The following LUZP1 variants were observed in gnomAD, a reference collection of about 807,000 sequenced individuals.
The protein encoded by LUZP1 is filamin mechanobinding actin cross-linking protein.
In LUZP1, 25 loss-of-function variants were observed where a neutral mutation model predicts 71.3. The observed-to-expected ratio is 0.35, with a 90% CI of 0.26 to 0.49. The LOEUF is 0.49. LUZP1 is among the 20% of genes least tolerant of loss of function. The pLI, the probability that LUZP1 is intolerant of heterozygous loss-of-function variation, is 0.99. For missense variants in LUZP1, 1,142 were observed against 1,300.8 expected (o/e 0.88, Z 1.88); for synonymous variants, 481 against 506.4 (o/e 0.95, Z 0.67).
At chr1:23,168,329 G>A (rs1569718337) in intron 2 of LUZP1, among the ~76,000 whole-genome samples, 1 of 91,792 alleles carries the variant, frequency 1.1e-5, no homozygotes, top group East Asian at 2.8e-4. Context: ...CGGCCGCCTC[G>A]TCGCCCCCCG....
chr1:23,090,247 A>T (rs1463493498), intron 4 of LUZP1, among the ~76,000 whole-genome samples: 1 of 152,090 alleles, frequency 6.6e-6, no homozygotes, highest in African/African-American at 2.4e-5. Context: ...TGTGTTTCTG[A>T]CCCTTAGCTT....
intron 2 of LUZP1, among the ~76,000 whole-genome samples, chr1:23,149,317 A>G (rs1018267519): frequency 2.0e-5 from 3 of 152,068 alleles, no homozygotes; most frequent in Non-Finnish European, 4.4e-5. Context: ...ACAGAGCACT[A>G]TAAGATGTAC....
intron 3 of LUZP1, among the ~76,000 whole-genome samples, chr1:23,104,039 CTG>C (rs936411454): frequency 3.3e-5 from 5 of 151,870 alleles, no homozygotes; most frequent in African/African-American, 1.2e-4. Context: ...GGTAAGGTCT[CTG>C]TGGTAGGTTT....
At chr1:23,086,696 G>A (rs1213156493) in exon 5 of LUZP1, 2 of 152,692 alleles carry the variant, frequency 1.3e-5, no homozygotes. Context: ...CAGTGAAGGA[G>A]AATGGCAGGG....
intron 2 of LUZP1, among the ~76,000 whole-genome samples, chr1:23,152,439 CCA>C (rs1644391754): frequency 1.3e-5 from 2 of 152,132 alleles, no homozygotes; most frequent in South Asian, 4.1e-4. Flanking sequence ...ATAATGCAGT[CCA>C]CAGAGAATTT....
intron 2 of LUZP1, among the ~76,000 whole-genome samples, chr1:23,112,664 A>G (rs1644043222): frequency 6.6e-6 from 1 of 152,222 alleles, no homozygotes; most frequent in Non-Finnish European, 1.5e-5. Flanking sequence ...AAATAAGTTG[A>G]AAGTTGGAAG....
exon 4 of LUZP1, chr1:23,092,686 T>C: frequency 6.2e-7 from 1 of 1,614,148 alleles, no homozygotes; most frequent in African/African-American, 1.3e-5. Context: ...TTGTCAGCTC[T>C]ACCCAATGGG....
chr1:23,171,095 A>AT (rs1553143566), intron 1 of LUZP1, among the ~76,000 whole-genome samples: 9 of 140,590 alleles, frequency 6.4e-5, no homozygotes, highest in South Asian at 2.3e-4. Flanking sequence ...TCTCAAAAAA[A>AT]AAAAATATAT....
intron 2 of LUZP1, among the ~76,000 whole-genome samples, chr1:23,110,970 C>T (rs951277110): frequency 3.9e-5 from 6 of 151,928 alleles, no homozygotes; most frequent in Non-Finnish European, 8.8e-5. Context: ...GCGGCCAAGG[C>T]GGGCAGATCA....
At chr1:23,104,561 T>C (rs945269679) in intron 3 of LUZP1, among the ~76,000 whole-genome samples, 1 of 152,158 alleles carries the variant, frequency 6.6e-6, no homozygotes, top group Non-Finnish European at 1.5e-5. Flanking sequence ...AAATGCACCA[T>C]CCTAAATTCT....
intron 2 of LUZP1, among the ~76,000 whole-genome samples, chr1:23,156,459 TC>T (rs796628535): frequency 3.3e-5 from 5 of 152,340 alleles, no homozygotes; most frequent in African/African-American, 1.2e-4. Flanking sequence ...TCAGTTCGAA[TC>T]TGTTCCTACA....
intron 2 of LUZP1, among the ~76,000 whole-genome samples, chr1:23,112,490 C>CAA (rs1195028162): frequency 6.6e-6 from 1 of 152,200 alleles, no homozygotes; most frequent in Non-Finnish European, 1.5e-5. Flanking sequence ...CCCAAGCTTA[C>CAA]AAAACAAGCT....
chr1:23,159,017 A>C (rs897733086), intron 2 of LUZP1, among the ~76,000 whole-genome samples: 1 of 151,050 alleles, frequency 6.6e-6, no homozygotes, highest in Non-Finnish European at 1.5e-5. Flanking sequence ...TGTTCTAATC[A>C]TTTTGACTAC....
chr1:23,101,834 G>C (rs1160391244), intron 3 of LUZP1, among the ~76,000 whole-genome samples: 2 of 152,094 alleles, frequency 1.3e-5, no homozygotes, highest in Non-Finnish European at 2.9e-5. Flanking sequence ...GTTTATCCAG[G>C]CAAAATTCAT....
intron 1 of LUZP1, among the ~76,000 whole-genome samples, chr1:23,175,285 C>T (rs945966737): frequency 6.6e-6 from 1 of 152,132 alleles, no homozygotes; most frequent in Non-Finnish European, 1.5e-5. Context: ...TGGCTTTGGG[C>T]AAGTCATTGA....
chr1:23,105,210 G>A lies in LUZP1; in HGVS notation c.-120+3812C>T, dbSNP rs188075537. Among the ~76,000 whole-genome samples the A allele has an allele frequency of 2.7e-3, 406 of 152,268 alleles. 4 individuals are homozygous for A. The highest frequency in any genetic ancestry group is 9.1e-3 in the African/African-American group (376 of 41,544). ...GCCTGAACCAGGACAGTAGCAATGG[G>A]GTAAAAGGGTGGGATGGATGAAAGA... On this transcript the variant is annotated intron_variant, in intron 3 of 4. Transcript: ENST00000302291.
intron 3 of LUZP1, among the ~76,000 whole-genome samples, chr1:23,096,785 C>T (rs1051308259): frequency 7.9e-5 from 12 of 152,208 alleles, no homozygotes; most frequent in African/African-American, 2.9e-4. Flanking sequence ...CCAGCCTGAA[C>T]AACATGATGA....
exon 4 of LUZP1, chr1:23,091,929 A>C (rs1336633330): frequency 6.2e-7 from 1 of 1,614,146 alleles, no homozygotes; most frequent in South Asian, 1.1e-5. Flanking sequence ...CTGTTTCTCC[A>C]ACGTAGTCTC....
chr1:23,158,594 C>G (rs1438054900), intron 2 of LUZP1, among the ~76,000 whole-genome samples: 3 of 138,584 alleles, frequency 2.2e-5, no homozygotes, highest in Admixed American at 7.8e-5. Flanking sequence ...TTGCAGTGAG[C>G]CGAGATCGTG....
Sources: gnomAD v4.1 joint callset for allele counts (sites outside exome capture counted in the v4.1 genomes callset) on GRCh38, gnomAD v4.1.1 for gene constraint, MANE v1.5 for transcripts, NCBI Gene and HGNC (gene_info 2026-07-23, HGNC 2026-07-21) for gene names.